NCOA2: variants seen among roughly 807,000 people sequenced by gnomAD.
NCOA2 encodes class E basic helix-loop-helix protein 75.
Under a neutral mutation model 145.1 loss-of-function variants are expected in NCOA2, and 21 were observed. The observed-to-expected ratio is 0.14, with a 90% CI of 0.10 to 0.21. The LOEUF is 0.21. Among genes scored for constraint, NCOA2 ranks in the 10% least tolerant of loss-of-function variants. NCOA2 has a pLI of 1.00. For synonymous variants in NCOA2, 619 were observed against 637.5 expected, an observed-to-expected ratio of 0.97 and a Z score of 0.44; for missense variants, 1,472 against 1,837.6, an observed-to-expected ratio of 0.80 and a Z score of 3.64.
At chr8:70,316,236 T>C (rs1341802023) in intron 1 of NCOA2, among the ~76,000 whole-genome samples, 3 of 152,218 alleles carry the variant, frequency 2.0e-5, no homozygotes, top group Admixed American at 6.5e-5. Flanking sequence ...AAGCACCATA[T>C]GGCTGAAAGC....
chr8:70,387,943 G>T (rs1586661373), intron 1 of NCOA2, among the ~76,000 whole-genome samples: 1 of 152,326 alleles, frequency 6.6e-6, no homozygotes, highest in East Asian at 1.9e-4. Context: ...ATGCAGGTGA[G>T]CAAGGCTTCA....
At chr8:70,207,083 C>T (rs910885998) in intron 4 of NCOA2, among the ~76,000 whole-genome samples, 1 of 152,120 alleles carries the variant, frequency 6.6e-6, no homozygotes, top group Non-Finnish European at 1.5e-5. Context: ...TGCTGGATTT[C>T]CCCTGGCAAA....
intron 1 of NCOA2, among the ~76,000 whole-genome samples, chr8:70,330,814 T>C (rs1289266263): frequency 6.6e-6 from 1 of 152,172 alleles, no homozygotes; most frequent in Non-Finnish European, 1.5e-5. Flanking sequence ...CTGTGTGCAA[T>C]ACACTTAGAA....
chr8:70,406,392 G>A (rs1053674293), upstream of NCOA2, among the ~76,000 whole-genome samples: 5 of 152,096 alleles, frequency 3.3e-5, no homozygotes, highest in Non-Finnish European at 5.9e-5. Flanking sequence ...AATGTAAAAT[G>A]AAAAGGTAGA....
At chr8:70,166,436 C>G (rs1813626350) in intron 7 of NCOA2, 130 bp downstream of exon 7, 1 of 1,081,392 alleles carries the variant, frequency 9.2e-7, no homozygotes, top group African/African-American at 1.6e-5. Context: ...CATCACAAAA[C>G]AGTAAAATTG....
rs143667105 is a variant in NCOA2 at position 70,134,267 on chromosome 8, T to C, written c.3159-2265A>G. Among the ~76,000 whole-genome samples, 22 of 152,288 alleles carry C rather than the reference T, an allele frequency of 1.4e-4. No individual in the cohort carries two copies. The East Asian group carries it at 4.2e-3, about 29-fold the overall frequency. On this transcript the variant is annotated intron_variant, in intron 15 of 22. Transcript: ENST00000452400. The stretch of plus-strand genomic sequence containing the variant: ...AGGAGAGGGAGAAACCACTGGACTG[T>C]CTGCCATGATAGCAAAGAGAGGAGA...
intron 1 of NCOA2, among the ~76,000 whole-genome samples, chr8:70,370,583 C>T (rs898741291): frequency 6.6e-6 from 1 of 151,804 alleles, no homozygotes; most frequent in African/African-American, 2.4e-5. Context: ...TGGATATGTT[C>T]TAAGAATACT....
intron 1 of NCOA2, among the ~76,000 whole-genome samples, chr8:70,302,971 C>T (rs990726337): frequency 6.6e-6 from 1 of 152,126 alleles, no homozygotes; most frequent in Non-Finnish European, 1.5e-5. Flanking sequence ...TCTCATTATG[C>T]CCATTCCTTT....
chr8:70,219,035 T>TTA (rs953329038), intron 2 of NCOA2, among the ~76,000 whole-genome samples: 30 of 152,112 alleles, frequency 2.0e-4, no homozygotes, highest in Non-Finnish European at 3.2e-4. Flanking sequence ...TGATTTAACA[T>TTA]TATATATATA....
In NCOA2 at chr8:70,294,279, T is replaced by C. The variant is rs1032259383; in HGVS notation, c.-20+2465A>G. Among the ~76,000 whole-genome samples, 10 of 152,278 alleles carry C rather than the reference T, an allele frequency of 6.6e-5. No homozygotes were observed. The South Asian group carries it at 1.0e-3, about 16-fold the overall frequency. On this transcript the variant is annotated intron_variant, in intron 2 of 22. Transcript: ENST00000452400. ...GTTCTAAGTAATTCTATAGTCACTA[T>C]ATTTCAAACAATCTGTTCTTTGCAA...
chr8:70,299,569 A>G (rs1255567692), intron 1 of NCOA2, among the ~76,000 whole-genome samples: 1 of 152,246 alleles, frequency 6.6e-6, no homozygotes, highest in Non-Finnish European at 1.5e-5. Context: ...GGAAAAGTAC[A>G]TGAAAAAATA....
intron 16 of NCOA2, among the ~76,000 whole-genome samples, chr8:70,131,401 A>C (rs1368320973): frequency 6.6e-6 from 1 of 152,230 alleles, no homozygotes; most frequent in Non-Finnish European, 1.5e-5. Flanking sequence ...GTATTCTTTT[A>C]GCACAAACAG....
At chr8:70,265,421 C>T (rs563108962) in intron 2 of NCOA2, among the ~76,000 whole-genome samples, 4 of 152,198 alleles carry the variant, frequency 2.6e-5, no homozygotes, top group South Asian at 4.1e-4. Flanking sequence ...GTTATGACAG[C>T]ACGAGCTGAA....
intron 21 of NCOA2, 106 bp downstream of exon 21, chr8:70,123,778 G>C: frequency 1.2e-6 from 1 of 865,778 alleles, no homozygotes; most frequent in Non-Finnish European, 1.7e-6. Context: ...AAGTAAATGT[G>C]GGAGTTGGTG....
At chr8:70,345,050 ATGT>A (rs1165488472) in intron 1 of NCOA2, among the ~76,000 whole-genome samples, 7 of 152,178 alleles carry the variant, frequency 4.6e-5, no homozygotes, top group African/African-American at 1.4e-4. Flanking sequence ...CATGCTATGT[ATGT>A]TAATAGTTAG....
chr8:70,272,597 A>G (rs181202991), intron 2 of NCOA2, among the ~76,000 whole-genome samples: 2 of 152,300 alleles, frequency 1.3e-5, no homozygotes, highest in African/African-American at 4.8e-5. Flanking sequence ...CACAAAAGTC[A>G]GATTATAAGT....
In NCOA2 at chr8:70,199,158, T is replaced by C. The variant is rs1033009519; in HGVS notation, c.259+14745A>G. On this transcript the variant is annotated intron_variant, in intron 4 of 22. Transcript: ENST00000452400. ...GGATGAATGTGGTACAGCTCAAAAG[T>C]AGAAAGGGGTGAGGTGCAGTGGCTC... is the stretch of plus-strand genomic sequence containing the variant. 7.9e-5 allele frequency among the ~76,000 whole-genome samples: 12 copies of C among 151,806 alleles called. No homozygotes were observed. The East Asian group carries it at 1.7e-3, about 22-fold the overall frequency.
intron 1 of NCOA2, among the ~76,000 whole-genome samples, chr8:70,348,514 A>T (rs192257296): frequency 3.3e-5 from 5 of 152,334 alleles, no homozygotes; most frequent in African/African-American, 1.2e-4. Context: ...AACTAGATTC[A>T]ATCAGACAGG....
intron 1 of NCOA2, among the ~76,000 whole-genome samples, chr8:70,380,944 T>C (rs1019413835): frequency 1.3e-5 from 2 of 151,922 alleles, no homozygotes; most frequent in Middle Eastern, 3.4e-3. Context: ...GGTGTGGTGG[T>C]GCCCGCCTGT....
Sources: allele counts gnomAD v4.1 joint callset (sites outside exome capture counted in the v4.1 genomes callset), GRCh38; gene constraint gnomAD v4.1.1; transcripts MANE v1.5; gene names NCBI Gene and HGNC (gene_info 2026-07-23, HGNC 2026-07-21).